ACTA2: variants seen among roughly 807,000 people sequenced by gnomAD.
ACTA2 encodes actin alpha 2, smooth muscle, also known as actin, aortic smooth muscle.
A neutral mutation model predicts 39.5 loss-of-function variants in ACTA2; 12 were observed. The ratio of observed to expected loss-of-function variants is 0.30; its 90% confidence interval spans 0.19 to 0.49. The LOEUF (loss-of-function observed/expected upper bound fraction) is 0.49, where lower values mean the gene tolerates loss of function less well. ACTA2 is among the 20% of genes least tolerant of loss of function. The pLI, the probability that ACTA2 is intolerant of heterozygous loss-of-function variation, is 0.99. For synonymous variants in ACTA2, 158 were observed against 180.6 expected (o/e 0.88, Z 1.00); for missense variants, 236 against 498.8 (o/e 0.47, Z 5.02).
chr10:88,957,957 G>A (rs192181553), intron 1 of ACTA2, among the ~76,000 whole-genome samples: 2 of 152,044 alleles, frequency 1.3e-5, no homozygotes, highest in Admixed American at 6.6e-5. Context: ...TAGTAGAGAC[G>A]GGGCTTTACC....
intron 1 of ACTA2, among the ~76,000 whole-genome samples, chr10:88,968,368 G>A (rs1846359133): frequency 6.6e-6 from 1 of 152,030 alleles, no homozygotes; most frequent in South Asian, 2.1e-4. Context: ...CTATATGCAG[G>A]GTTTTTGATC....
At chr10:88,941,167 G>A (rs2133254146) in intron 6 of ACTA2, 62 bp downstream of exon 6, 6 of 1,602,604 alleles carry the variant, frequency 3.7e-6, no homozygotes, top group South Asian at 1.1e-5. Context: ...AGTGAGGATG[G>A]TCCTGGAAGT....
In ACTA2 at chr10:88,990,690, C is replaced by T. The variant is rs1847116674; in HGVS notation, c.-24+249G>A. The T allele has an allele frequency of 1.4e-6, 1 of 720,890 alleles. No individual in the cohort carries two copies. Among genetic ancestry groups the T allele is most frequent in the African/African-American group, 1.7e-5 (1 of 57,542 alleles). 44.7% of individuals were successfully genotyped at this position (720,890 alleles called of 1,614,324 possible). The stretch of plus-strand genomic sequence containing the variant: ...GACACACAGGTGTTCAAAGACGCTT[C>T]TGGGGAGTGAGGGAAGCGGTTTACG... On this transcript the variant is annotated intron_variant, in intron 1 of 4. Coordinates refer to the ACTA2 transcript ENST00000415557. This position sits in a 1 kb window ranked among gnomAD's most constrained non-coding sequence, Gnocchi z 4.9.
At position 88,936,776 on chromosome 10, in the gene ACTA2, C is replaced by T. The variant is rs139574787; in HGVS notation, c.990+1285G>A. Among the ~76,000 whole-genome samples, 1,230 of 152,268 alleles carry T rather than the reference C, an allele frequency of 8.1e-3. 15 individuals carry two copies. The highest frequency in any genetic ancestry group is 0.028 in the African/African-American group (1,172 of 41,546). ...AGTCTTAGGTATTTCTTTATAGCAA[C>T]GCAAGAACAGCCTATGACAAATTCT... On this transcript the variant is annotated intron_variant, in intron 8 of 8. Coordinates refer to ENST00000224784, the MANE Select transcript of ACTA2 (RefSeq NM_001613.4).
chr10:88,943,034 T>C (rs1036234076), intron 4 of ACTA2, among the ~76,000 whole-genome samples: 2 of 152,382 alleles, frequency 1.3e-5, no homozygotes, highest in East Asian at 3.9e-4. Context: ...TCTTCATTTA[T>C]GTAGTCAATA....
chr10:88,948,796 C>A lies in ACTA2; in HGVS notation c.129+6G>T, dbSNP rs779969768. The A allele has an allele frequency of 5.0e-6, 8 of 1,613,810 alleles. No individual in the cohort carries two copies. The highest frequency in any genetic ancestry group is 6.8e-6 in the Non-Finnish European group (8 of 1,179,830). The stretch of plus-strand genomic sequence containing the variant: ...CCTGTTATGTTCCAATCATAATTTT[C>A]CTCACCTGATGTCTGGGACGTCCCA... On this transcript the variant is annotated splice_donor_region_variant and intron_variant, in intron 2 of 8. Transcript: ENST00000224784.
At chr10:88,962,725 T>C (rs1480850899) in intron 1 of ACTA2, among the ~76,000 whole-genome samples, 3 of 151,818 alleles carry the variant, frequency 2.0e-5, no homozygotes, top group African/African-American at 7.3e-5. Flanking sequence ...CATAAGTGTA[T>C]TACTCTGTTC....
intron 1 of ACTA2, chr10:88,989,664 G>C: frequency 2.1e-6 from 1 of 466,476 alleles, no homozygotes; most frequent in Non-Finnish European, 4.3e-6. Flanking sequence ...GCCCAAACAG[G>C]CTCCAGAAGA....
intron 2 of ACTA2, chr10:88,948,276 T>A: frequency 6.2e-6 from 1 of 162,030 alleles, no homozygotes; most frequent in Non-Finnish European, 1.4e-5. Context: ...GAGGTGAAAT[T>A]ACTGAGTTTT....
At chr10:88,969,827 C>A (rs991795435) in intron 1 of ACTA2, among the ~76,000 whole-genome samples, 1 of 152,214 alleles carries the variant, frequency 6.6e-6, no homozygotes, top group Non-Finnish European at 1.5e-5. Context: ...TGTTCACCAT[C>A]ATATCCCAGT....
chr10:88,972,555 T>C (rs929757588), intron 1 of ACTA2, among the ~76,000 whole-genome samples: 1 of 152,206 alleles, frequency 6.6e-6, no homozygotes, highest in Non-Finnish European at 1.5e-5. Context: ...TGTTTAATTT[T>C]TTTTCTAAAT....
At chr10:88,965,661 AT>A (rs59680045) in intron 1 of ACTA2, among the ~76,000 whole-genome samples, 54,664 of 151,526 alleles carry the variant, frequency 0.36, 10,351 homozygotes, top group African/African-American at 0.4. Flanking sequence ...TCAAGCCATT[AT>A]AATGCAAAGC....
At chr10:88,984,684 G>A (rs961467029) in intron 1 of ACTA2, among the ~76,000 whole-genome samples, 1 of 151,620 alleles carries the variant, frequency 6.6e-6, no homozygotes, top group African/African-American at 2.4e-5. Context: ...CTTATGTTTA[G>A]TTATTCATGA....
upstream of ACTA2, among the ~76,000 whole-genome samples, chr10:88,956,584 G>A (rs1339874138): frequency 3.3e-5 from 5 of 152,186 alleles, no homozygotes; most frequent in Non-Finnish European, 7.3e-5. Flanking sequence ...GGATTAGTAG[G>A]TGAACATCTT....
At position 88,935,432 on chromosome 10, in the gene ACTA2, G is replaced by T; in HGVS notation, c.991-66C>A. ...ATTAGTGCAGTCGTTAGTGCGGTAG[G>T]ACAGAGCCTGGATGTTCTACCATGG... On this transcript the variant is annotated intron_variant, in intron 8 of 8. Transcript: ENST00000224784. 5 of 1,560,872 alleles carry T rather than the reference G, an allele frequency of 3.2e-6. No homozygotes were observed. In the South Asian group the frequency reaches 4.4e-5, roughly 14 times the overall value.
intron 1 of ACTA2, among the ~76,000 whole-genome samples, chr10:88,970,109 T>C (rs1278737835): frequency 6.6e-6 from 1 of 152,198 alleles, no homozygotes; most frequent in Non-Finnish European, 1.5e-5. Flanking sequence ...AGTCCATAAA[T>C]CCCTTATACT....
At chr10:88,980,007 A>G (rs1846670052) in intron 1 of ACTA2, among the ~76,000 whole-genome samples, 1 of 152,240 alleles carries the variant, frequency 6.6e-6, no homozygotes, top group Admixed American at 6.5e-5. Context: ...CTAATTTGCA[A>G]AGTCTGTAGT....
In ACTA2 at chr10:88,990,938, C is replaced by G; in HGVS notation, c.-24+1G>C. On this transcript the variant is annotated splice_donor_variant, in intron 1 of 4. Transcript: ENST00000415557. LOFTEE classifies it low-confidence loss of function (5UTR_SPLICE). This position sits in a 1 kb window ranked among gnomAD's most constrained non-coding sequence, Gnocchi z 4.9. Reference sequence around the variant, plus strand: ...CCTCTCCTGCCCGGGTGGAGGCTTACCCCGTCTTAGTCCCGGGGATAGGCA... The same window carrying G: ...CCTCTCCTGCCCGGGTGGAGGCTTAGCCCGTCTTAGTCCCGGGGATAGGCA... 1 of 1,614,090 alleles carries G rather than the reference C, an allele frequency of 6.2e-7. No homozygotes were observed. The highest frequency in any genetic ancestry group is 8.5e-7 in the Non-Finnish European group (1 of 1,179,952).
At chr10:88,970,164 G>A (rs1406099123) in intron 1 of ACTA2, among the ~76,000 whole-genome samples, 1 of 152,094 alleles carries the variant, frequency 6.6e-6, no homozygotes, top group Non-Finnish European at 1.5e-5. Flanking sequence ...AGGTTTTACT[G>A]TACTTGGATC....
Sources: allele counts gnomAD v4.1 joint callset (sites outside exome capture counted in the v4.1 genomes callset), GRCh38; gene constraint gnomAD v4.1.1; non-coding constraint Gnocchi (gnomAD v3.1); transcripts MANE v1.5; gene names NCBI Gene and HGNC (gene_info 2026-07-23, HGNC 2026-07-21).